Variants in CNTN4 observed in about 807,000 individuals in gnomAD.
The protein encoded by CNTN4 is contactin-4.
In CNTN4, 77 loss-of-function variants were observed where a neutral mutation model predicts 122.5. That is an observed-to-expected ratio of 0.63 (90% CI 0.52 to 0.76). The LOEUF (loss-of-function observed/expected upper bound fraction) is 0.76, where lower values mean the gene tolerates loss of function less well. Ranked by LOEUF, CNTN4 falls within the 30% of genes least tolerant of loss-of-function variation. CNTN4 has a pLI of 0.00. For synonymous variants in CNTN4, 512 were observed against 447.0 expected (o/e 1.15, Z -1.83); for missense variants, 1,256 against 1,259.1 (o/e 1.00, Z 0.04).
At chr3:3,016,098 G>C (rs1364177712) in intron 14 of CNTN4, among the ~76,000 whole-genome samples, 1 of 152,216 alleles carries the variant, frequency 6.6e-6, no homozygotes, top group South Asian at 2.1e-4. Context: ...GTGGGTAAAA[G>C]ATATCTGTGG....
Position 2,816,875 on chromosome 3 carries a change from T to TC in CNTN4, c.359-2608dup, listed in dbSNP as rs11435078. Among the ~76,000 whole-genome samples the TC allele has an allele frequency of 9.7e-3, 1,406 of 145,176 alleles. 31 individuals carry two copies. Among genetic ancestry groups the TC allele is most frequent in the African/African-American group, 0.034 (1,345 of 39,700 alleles). On this transcript the variant is annotated intron_variant, in intron 6 of 24. Transcript: ENST00000418658. ...CCCATGTAACCAAATACCACCTGTATCCCAATAACTGAAGGAAAAAAATTT... is the reference window on the plus strand; with the variant it reads ...CCCATGTAACCAAATACCACCTGTATCCCCAATAACTGAAGGAAAAAAATTT...
chr3:2,303,042 A>G (rs886668715), intron 2 of CNTN4, among the ~76,000 whole-genome samples: 3 of 152,202 alleles, frequency 2.0e-5, no homozygotes, highest in Non-Finnish European at 2.9e-5. Flanking sequence ...TACATATATA[A>G]TGATGATATA....
chr3:2,773,650 A>G (rs1012336189), intron 6 of CNTN4, among the ~76,000 whole-genome samples: 7 of 151,872 alleles, frequency 4.6e-5, no homozygotes, highest in African/African-American at 7.3e-5. Context: ...TTCCTTGTCT[A>G]TGGATGGCAA....
At chr3:3,025,159 A>C (rs1698623100) in intron 14 of CNTN4, among the ~76,000 whole-genome samples, 1 of 152,152 alleles carries the variant, frequency 6.6e-6, no homozygotes, top group Non-Finnish European at 1.5e-5. Context: ...TATGGGTGTG[A>C]ATGTAGTTTT....
chr3:2,161,912 A>G (rs1279718850), intron 2 of CNTN4, among the ~76,000 whole-genome samples: 1 of 152,218 alleles, frequency 6.6e-6, no homozygotes, highest in African/African-American at 2.4e-5. Flanking sequence ...TTTTAAAAGA[A>G]GCCTGGAATA....
chr3:2,113,340 A>G (rs563070568), intron 2 of CNTN4, among the ~76,000 whole-genome samples: 25 of 152,348 alleles, frequency 1.6e-4, no homozygotes, highest in African/African-American at 3.1e-4. Context: ...TACATGATCT[A>G]TAGTTCAGAA....
intron 3 of CNTN4, among the ~76,000 whole-genome samples, chr3:2,406,203 A>G (rs2047030884): frequency 6.6e-6 from 1 of 152,206 alleles, no homozygotes; most frequent in Non-Finnish European, 1.5e-5. Flanking sequence ...TAAATTTCAC[A>G]TTGGAAAAAC....
chr3:2,651,803 A>G lies in CNTN4; in HGVS notation c.55+80245A>G, dbSNP rs915210429. Among the ~76,000 whole-genome samples, 5 of 151,576 alleles carry G rather than the reference A, an allele frequency of 3.3e-5. 1 individual carries two copies. In the South Asian group the frequency reaches 1.0e-3, roughly 31 times the overall value. ...CTGCAACCTCCACCTCCCTGGTTCA[A>G]GCAATTTTCCCTACTTCTTACTCTC... On this transcript the variant is annotated intron_variant, in intron 4 of 24. Coordinates refer to ENST00000418658, the MANE Select transcript of CNTN4 (RefSeq NM_175607.3).
intron 3 of CNTN4, among the ~76,000 whole-genome samples, chr3:2,506,193 G>T (rs1220149459): frequency 6.6e-6 from 1 of 152,116 alleles, no homozygotes. Context: ...TGTGACTCCT[G>T]TCATGTAAAA....
At chr3:2,657,625 G>T (rs2083651500) in intron 4 of CNTN4, among the ~76,000 whole-genome samples, 1 of 152,154 alleles carries the variant, frequency 6.6e-6, no homozygotes, top group South Asian at 2.1e-4. Context: ...TACGTATTTA[G>T]CTAGCATGGG....
rs1049872454 is a variant in CNTN4, at chr3:2,647,375, C to T, written c.55+75817C>T. Among the ~76,000 whole-genome samples, 14 of 140,922 alleles carry T rather than the reference C, an allele frequency of 9.9e-5. No homozygotes were observed. In the East Asian group the frequency reaches 1.9e-3, roughly 20 times the overall value. 92.5% of individuals were successfully genotyped at this position (140,922 alleles called of 152,430 possible). On this transcript the variant is annotated intron_variant, in intron 4 of 24. Transcript: ENST00000418658. ...CAGCCTGGGCAACGAGAGCGAAACT[C>T]ATCTCATAAATAAATAAATAAATAA...
At chr3:2,187,474 C>G (rs2037326606) in intron 2 of CNTN4, among the ~76,000 whole-genome samples, 1 of 152,160 alleles carries the variant, frequency 6.6e-6, no homozygotes, top group Admixed American at 6.6e-5. Context: ...GCTCTGCTCT[C>G]TGAAGCACGC....
At chr3:2,815,236 G>T (rs1188208282) in intron 6 of CNTN4, among the ~76,000 whole-genome samples, 3 of 152,128 alleles carry the variant, frequency 2.0e-5, no homozygotes, top group African/African-American at 7.2e-5. Context: ...AAGATAAATA[G>T]CTGGGACCTA....
At chr3:2,246,696 G>A (rs981635698) in intron 2 of CNTN4, among the ~76,000 whole-genome samples, 1 of 151,982 alleles carries the variant, frequency 6.6e-6, no homozygotes, top group Non-Finnish European at 1.5e-5. Flanking sequence ...CCCACAAAGG[G>A]CTTTTTACCA....
intron 2 of CNTN4, among the ~76,000 whole-genome samples, chr3:2,298,123 G>C (rs572283587): frequency 6.6e-6 from 1 of 152,170 alleles, no homozygotes; most frequent in African/African-American, 2.4e-5. Flanking sequence ...TGAACAATTA[G>C]GTTGATAAAT....
intron 7 of CNTN4, among the ~76,000 whole-genome samples, chr3:2,830,191 C>T (rs1002340412): frequency 1.3e-5 from 2 of 152,120 alleles, no homozygotes; most frequent in East Asian, 1.9e-4. Context: ...TCTCTCCTGA[C>T]AGTTAGTTTG....
chr3:3,039,162 G>T, intron 19 of CNTN4, 159 bp downstream of exon 19: 1 of 686,206 alleles, frequency 1.5e-6, no homozygotes. Context: ...TGGCTAGCAG[G>T]AAGGACGGCA....
intron 13 of CNTN4, among the ~76,000 whole-genome samples, chr3:2,937,871 G>C (rs2094580029): frequency 6.6e-6 from 1 of 152,102 alleles, no homozygotes; most frequent in Non-Finnish European, 1.5e-5. Context: ...AAGTCTCCAT[G>C]CTGGAGCCCA....
rs2075673847 is a variant in CNTN4, at chr3:2,471,263, T to C, written c.-88-100153T>C. ...TTTTATTGACAGAACCAGTATTTAT[T>C]TGGAGAGACTGATAGACTTGATTTA... On this transcript the variant is annotated intron_variant, in intron 3 of 24. Coordinates refer to ENST00000418658, the MANE Select transcript of CNTN4 (RefSeq NM_175607.3). Among the ~76,000 whole-genome samples, 5 of 152,354 alleles carry C rather than the reference T, an allele frequency of 3.3e-5. No homozygotes were observed. The South Asian group carries it at 8.3e-4, about 25-fold the overall frequency.
Sources: allele counts gnomAD v4.1 joint callset (sites outside exome capture counted in the v4.1 genomes callset), GRCh38; gene constraint gnomAD v4.1.1; transcripts MANE v1.5; gene names NCBI Gene and HGNC (gene_info 2026-07-23, HGNC 2026-07-21).